Variants in SCAPER observed in about 807,000 individuals in gnomAD.
The protein encoded by SCAPER is S-phase cyclin A associated protein in the ER.
In SCAPER, 98 loss-of-function variants were observed where a neutral mutation model predicts 182.2. That is an observed-to-expected ratio of 0.54 (90% CI 0.46 to 0.64). The LOEUF (loss-of-function observed/expected upper bound fraction) is 0.64. Among genes scored for constraint, SCAPER ranks in the 30% least tolerant of loss-of-function variants. SCAPER has a pLI of 0.00. For missense variants in SCAPER, 1,432 were observed against 1,690.0 expected (o/e 0.85, Z 2.68); for synonymous variants, 605 against 564.6 (o/e 1.07, Z -1.01).
In SCAPER at chr15:76,431,676, C is replaced by CAAAAAAAAAAAAAAAAAAAAAAAAAAAA. The variant is rs60675828; in HGVS notation, c.3311+2374_3311+2401dup. Among the ~76,000 whole-genome samples the CAAAAAAAAAAAAAAAAAAAAAAAAAAAA allele has an allele frequency of 1.7e-4, 8 of 47,128 alleles. 2 individuals are homozygous for CAAAAAAAAAAAAAAAAAAAAAAAAAAAA. Among genetic ancestry groups the CAAAAAAAAAAAAAAAAAAAAAAAAAAAA allele is most frequent in the African/African-American group, 4.9e-4 (5 of 10,252 alleles). 30.9% of individuals were successfully genotyped at this position (47,128 alleles called of 152,430 possible). ...AGAAGGCAAGTATGAAAATGATTAGCAAAAAAAAAAAAAAAAAAAAAAAAA... is the reference window on the plus strand; with the variant it reads ...AGAAGGCAAGTATGAAAATGATTAGCAAAAAAAAAAAAAAAAAAAAAAAAAAAAAAAAAAAAAAAAAAAAAAAAAAAAA... On this transcript the variant is annotated intron_variant, in intron 26 of 31. Transcript: ENST00000563290.
chr15:76,799,152 C>T (rs1021239705), intron 7 of SCAPER, among the ~76,000 whole-genome samples: 1 of 152,046 alleles, frequency 6.6e-6, no homozygotes, highest in African/African-American at 2.4e-5. Context: ...TATTAATATA[C>T]AGATCTATTG....
At chr15:76,743,984 G>A (rs1264999036) in intron 15 of SCAPER, among the ~76,000 whole-genome samples, 4 of 151,992 alleles carry the variant, frequency 2.6e-5, no homozygotes, top group South Asian at 2.1e-4. Context: ...AAATAAAGCT[G>A]CACATCTACA....
At chr15:76,891,802 T>C (rs2074182082) in intron 1 of SCAPER, among the ~76,000 whole-genome samples, 2 of 152,116 alleles carry the variant, frequency 1.3e-5, no homozygotes, top group Admixed American at 6.5e-5. Flanking sequence ...TTCACAGAAT[T>C]GGAAATTCTT....
chr15:76,885,071 T>C (rs1467434653), intron 1 of SCAPER, among the ~76,000 whole-genome samples: 1 of 152,210 alleles, frequency 6.6e-6, no homozygotes, highest in Non-Finnish European at 1.5e-5. Flanking sequence ...TAGGGGGTGA[T>C]GAAAATGTTC....
At chr15:76,849,345 AT>A (rs2070472209) in intron 4 of SCAPER, among the ~76,000 whole-genome samples, 1 of 152,224 alleles carries the variant, frequency 6.6e-6, no homozygotes, top group Non-Finnish European at 1.5e-5. Flanking sequence ...AAAGTGCCTT[AT>A]CCACGCCTTC....
At chr15:76,835,980 G>A (rs1188033778) in intron 5 of SCAPER, among the ~76,000 whole-genome samples, 2 of 149,524 alleles carry the variant, frequency 1.3e-5, no homozygotes, top group East Asian at 3.9e-4. Context: ...CACCAGGGAG[G>A]TGAAAGACCC....
At chr15:76,787,064 A>ACT (rs1475169146) in intron 8 of SCAPER, among the ~76,000 whole-genome samples, 5 of 152,148 alleles carry the variant, frequency 3.3e-5, no homozygotes, top group Non-Finnish European at 7.4e-5. Flanking sequence ...AAATTGATTA[A>ACT]CTCTCTCTAA....
chr15:76,626,136 T>C (rs532992086), intron 21 of SCAPER, among the ~76,000 whole-genome samples: 2 of 152,222 alleles, frequency 1.3e-5, no homozygotes, highest in African/African-American at 4.8e-5. Context: ...CTCCTGTCAC[T>C]TCTCGGTTGA....
In SCAPER at chr15:76,386,430, CA is replaced by C. The variant is rs572088369; in HGVS notation, c.3468-4816del. ...CCCTATTCTAGGACCTGGAGTTCAG[CA>C]GTAAAATCTATGACCTTTTTCTCAT... On this transcript the variant is annotated intron_variant, in intron 27 of 31. Transcript: ENST00000563290. Among the ~76,000 whole-genome samples the C allele has an allele frequency of 2.7e-3, 407 of 152,250 alleles. 3 individuals carry two copies. The highest frequency in any genetic ancestry group is 4.8e-3 in the South Asian group (23 of 4,826).
At chr15:76,389,272 G>T (rs2043494206) in intron 27 of SCAPER, among the ~76,000 whole-genome samples, 1 of 151,694 alleles carries the variant, frequency 6.6e-6, no homozygotes, top group Non-Finnish European at 1.5e-5. Context: ...AGGCTGAGGT[G>T]GGCGGATCAC....
At chr15:76,532,468 C>T (rs994768416) in intron 23 of SCAPER, among the ~76,000 whole-genome samples, 2 of 152,054 alleles carry the variant, frequency 1.3e-5, no homozygotes, top group African/African-American at 4.8e-5. Context: ...TCCCAAAGTG[C>T]TGGGATTACA....
At chr15:76,599,668 T>G (rs781409889) in intron 22 of SCAPER, among the ~76,000 whole-genome samples, 5 of 122,272 alleles carry the variant, frequency 4.1e-5, no homozygotes, top group African/African-American at 1.3e-4. Context: ...CTACAACAGA[T>G]GATTCTCATC....
intron 18 of SCAPER, among the ~76,000 whole-genome samples, chr15:76,704,887 C>T (rs1414669998): frequency 1.3e-5 from 2 of 152,090 alleles, no homozygotes; most frequent in Admixed American, 6.5e-5. Context: ...ATTAAAAAGT[C>T]AGGAAACAAC....
At chr15:76,740,260 G>C (rs931421422) in intron 15 of SCAPER, among the ~76,000 whole-genome samples, 2 of 152,126 alleles carry the variant, frequency 1.3e-5, no homozygotes, top group Non-Finnish European at 2.9e-5. Context: ...CTTGAATACA[G>C]AGAACATGAC....
chr15:76,557,016 CA>C (rs1165421630), intron 23 of SCAPER, among the ~76,000 whole-genome samples: 2 of 151,970 alleles, frequency 1.3e-5, no homozygotes, highest in Non-Finnish European at 2.9e-5. Context: ...ACAATAGCCA[CA>C]AAAAATATAA....
At chr15:76,348,766 A>G in intron 31 of SCAPER, 30 bp from the exon 32 acceptor site, 2 of 1,333,074 alleles carry the variant, frequency 1.5e-6, no homozygotes, top group Non-Finnish European at 2.0e-6. Context: ...GAAAAAAGTT[A>G]AATAAAAGAG....
intron 21 of SCAPER, among the ~76,000 whole-genome samples, chr15:76,649,013 C>G (rs1338798510): frequency 6.6e-6 from 1 of 152,216 alleles, no homozygotes; most frequent in Non-Finnish European, 1.5e-5. Flanking sequence ...CTTTGTAAAT[C>G]AGACACCGCC....
intron 25 of SCAPER, among the ~76,000 whole-genome samples, chr15:76,469,557 C>T (rs940421685): frequency 1.8e-4 from 27 of 152,102 alleles, no homozygotes; most frequent in African/African-American, 6.0e-4. Context: ...CCTTAGTCTC[C>T]TCCATTCTGT....
intron 29 of SCAPER, among the ~76,000 whole-genome samples, chr15:76,369,183 T>C (rs779263306): frequency 6.6e-6 from 1 of 152,162 alleles, no homozygotes; most frequent in Non-Finnish European, 1.5e-5. Context: ...GCAAAGCAGT[T>C]ACCTAATCAA....
Sources: allele counts gnomAD v4.1 joint callset (sites outside exome capture counted in the v4.1 genomes callset), GRCh38; gene constraint gnomAD v4.1.1; transcripts MANE v1.5; gene names NCBI Gene and HGNC (gene_info 2026-07-23, HGNC 2026-07-21).